Variants in C4orf50 observed in about 807,000 individuals in gnomAD.
C4orf50 encodes the protein uncharacterized protein C4orf50.
A neutral mutation model predicts 77.2 loss-of-function variants in C4orf50; 80 were observed. That is an observed-to-expected ratio of 1.04 (90% CI 0.87 to 1.25). The LOEUF (loss-of-function observed/expected upper bound fraction) is 1.25, where lower values mean the gene tolerates loss of function less well. Ranked by LOEUF, C4orf50 falls within the 50% of genes most tolerant of loss-of-function variation. The pLI, the probability that C4orf50 is intolerant of heterozygous loss-of-function variation, is 0.00. For synonymous variants in C4orf50, 532 were observed against 465.3 expected, an observed-to-expected ratio of 1.14 and a Z score of -1.84; for missense variants, 1,257 against 1,152.9, an observed-to-expected ratio of 1.09 and a Z score of -1.31.
At chr4:5,940,947 G>T (rs1025748641) in intron 7 of C4orf50, among the ~76,000 whole-genome samples, 2 of 152,116 alleles carry the variant, frequency 1.3e-5, no homozygotes, top group African/African-American at 4.8e-5. Context: ...CAGACACAAA[G>T]CCCTCCTAGA....
exon 28 of C4orf50, chr4:5,990,315 G>A: frequency 9.9e-7 from 1 of 1,006,150 alleles, no homozygotes; most frequent in Non-Finnish European, 1.3e-6. Context: ...GCTGGTACTT[G>A]TCACCAAGGT....
intron 26 of C4orf50, 29 bp downstream of exon 4, chr4:5,994,318 G>C (rs576294532): frequency 5.0e-6 from 2 of 399,028 alleles, no homozygotes; most frequent in African/African-American, 4.1e-5. Flanking sequence ...CCCGCGACTC[G>C]TCCTCCACGC....
intron 7 of C4orf50, among the ~76,000 whole-genome samples, chr4:5,928,854 A>C (rs1218177510): frequency 6.6e-6 from 1 of 152,244 alleles, no homozygotes; most frequent in South Asian, 2.1e-4. Context: ...AAAACAAAAA[A>C]TAAGTCAACC....
intron 31 of C4orf50, among the ~76,000 whole-genome samples, chr4:5,967,780 GA>G (rs1331231007): frequency 6.6e-6 from 1 of 152,224 alleles, no homozygotes; most frequent in Non-Finnish European, 1.5e-5. Flanking sequence ...ACATTTTAAT[GA>G]GGACATCCAG....
rs1343345314 is a variant in C4orf50, at chr4:6,017,568, T to C, written c.287+577A>G. Among the ~76,000 whole-genome samples the C allele has an allele frequency of 1.3e-5, 2 of 152,218 alleles. No homozygotes were observed. Among genetic ancestry groups the C allele is most frequent in the Non-Finnish European group, 2.9e-5 (2 of 68,034 alleles). ...ACAACCCTTGTCATTGCAGAAACCA[T>C]AGGCTGTGATGCCTGTAGCCACCTA... On this transcript the variant is annotated intron_variant, in intron 23 of 33. Coordinates refer to ENST00000531445, the Ensembl canonical transcript of C4orf50. This position sits in a 1 kb window ranked among gnomAD's most constrained non-coding sequence, Gnocchi z 4.7.
chr4:5,906,164 GT>G lies in C4orf50; in HGVS notation c.*2475-7977del, dbSNP rs1716543197. On this transcript the variant is annotated intron_variant, in intron 7 of 7. Coordinates refer to the C4orf50 transcript ENST00000324058. The stretch of plus-strand genomic sequence containing the variant: ...TGTGAAGAAAACAGAGAAGCAAAGA[GT>G]GATGTGGCAGGAGATGAACCTGTGA... 2.6e-5 allele frequency among the ~76,000 whole-genome samples: 4 copies of G among 151,990 alleles called. No homozygotes were observed. In the South Asian group the frequency reaches 8.4e-4, roughly 32 times the overall value.
At chr4:5,955,090 CT>C (rs1416596729), downstream of C4orf50, among the ~76,000 whole-genome samples, 1 of 152,128 alleles carries the variant, frequency 6.6e-6, no homozygotes, top group Non-Finnish European at 1.5e-5. This position sits in a 1 kb window ranked among gnomAD's most constrained non-coding sequence, Gnocchi z 5.1. Context: ...GCGCCCGCCC[CT>C]ACCTCTCCTT....
rs143463806 is a variant in C4orf50 at position 5,929,345 on chromosome 4, C to T, written c.*2474+27556G>A. Among the ~76,000 whole-genome samples, 482 of 152,282 alleles carry T rather than the reference C, an allele frequency of 3.2e-3. 3 individuals carry two copies. The highest frequency in any genetic ancestry group is 0.011 in the African/African-American group (455 of 41,554). ...GCCCATATCTGCATCGGTTTGAAGG[C>T]GGGAAGTTATGTAAATATTCCTTTA... On this transcript the variant is annotated intron_variant, in intron 7 of 7. Transcript: ENST00000324058.
Position 5,994,860 on chromosome 4 carries a change from G to A in C4orf50, c.964-384C>T, listed in dbSNP as rs570896104. Among the ~76,000 whole-genome samples the A allele has an allele frequency of 1.3e-4, 20 of 152,266 alleles. No individual in the cohort carries two copies. The South Asian group carries it at 4.1e-3, about 32-fold the overall frequency. Reference sequence around the variant, plus strand: ...GCAGGAGGTGAGCAGCAGGCGAGCAGGCATTACCGCCTGAGCTCCGCCTCC... The same window carrying A: ...GCAGGAGGTGAGCAGCAGGCGAGCAAGCATTACCGCCTGAGCTCCGCCTCC... On this transcript the variant is annotated intron_variant, in intron 25 of 33. Transcript: ENST00000531445.
At chr4:5,967,903 C>G in intron 31 of C4orf50, among the ~76,000 whole-genome samples, 1 of 151,704 alleles carries the variant, frequency 6.6e-6, no homozygotes, top group African/African-American at 2.4e-5. Flanking sequence ...CTCCTGGTTC[C>G]GCATTGCACG....
chr4:5,898,493 C>A (rs557844110), intron 7 of C4orf50: 1 of 152,278 alleles, frequency 6.6e-6, no homozygotes, highest in Non-Finnish European at 1.5e-5. Flanking sequence ...AGGTAGGTAC[C>A]CTGTCCAAGC....
chr4:6,005,034 G>A (rs1227871010), intron 25 of C4orf50, among the ~76,000 whole-genome samples: 1 of 152,136 alleles, frequency 6.6e-6, no homozygotes. Context: ...CTGAGGTACA[G>A]AGAATTTAGG....
intron 25 of C4orf50, among the ~76,000 whole-genome samples, chr4:5,998,190 A>C (rs1328662128): frequency 6.6e-6 from 1 of 152,134 alleles, no homozygotes; most frequent in Non-Finnish European, 1.5e-5. Context: ...GGCCCTTTTA[A>C]CCTTTGACAG....
chr4:5,933,410 C>G (rs1483229010), intron 7 of C4orf50, among the ~76,000 whole-genome samples: 3 of 152,216 alleles, frequency 2.0e-5, no homozygotes, highest in Admixed American at 2.0e-4. Flanking sequence ...CTATGAATGG[C>G]AGCTCCTGCC....
chr4:5,921,011 C>T (rs573436816), intron 7 of C4orf50, among the ~76,000 whole-genome samples: 1 of 152,292 alleles, frequency 6.6e-6, no homozygotes, highest in Admixed American at 6.5e-5. Flanking sequence ...GAACTCTGAC[C>T]ACAGCTGGGA....
At chr4:5,954,707 C>A (rs561043746), downstream of C4orf50, among the ~76,000 whole-genome samples, 5 of 152,240 alleles carry the variant, frequency 3.3e-5, no homozygotes, top group East Asian at 9.7e-4. This position sits in a 1 kb window ranked among gnomAD's most constrained non-coding sequence, Gnocchi z 4.7. Context: ...AGCAGGGATG[C>A]AAATTCTTCC....
In C4orf50 at chr4:5,919,773, T is replaced by A. The variant is rs1717184382; in HGVS notation, c.*2475-21585A>T. ...TGCCATGGCAGACAAGAAAATGCTC[T>A]CTTGCTGAGCTCCCACAAAGCCCAT... On this transcript the variant is annotated intron_variant, in intron 7 of 7. Coordinates refer to the C4orf50 transcript ENST00000324058. The surrounding 1 kb of genome is among the most constrained non-coding windows in gnomAD (Gnocchi z 6.5). Among the ~76,000 whole-genome samples the A allele has an allele frequency of 6.6e-6, 1 of 152,246 alleles. No homozygotes were observed. The highest frequency in any genetic ancestry group is 2.1e-4 in the South Asian group (1 of 4,810).
At chr4:5,988,293 C>T in intron 28 of C4orf50, 54 bp downstream of exon 6, 4 of 1,572,458 alleles carry the variant, frequency 2.5e-6, no homozygotes, top group Non-Finnish European at 1.7e-6. Flanking sequence ...AATGGGGTGG[C>T]CCCCGGAACA....
At chr4:5,990,064 G>A (rs1577973453) in exon 28 of C4orf50, 4 of 1,344,348 alleles carry the variant, frequency 3.0e-6, no homozygotes, top group Non-Finnish European at 3.8e-6. Context: ...CTCATTCTCT[G>A]ATGACAGTCC....
Sources: gnomAD v4.1 joint callset for allele counts (sites outside exome capture counted in the v4.1 genomes callset) on GRCh38, gnomAD v4.1.1 for gene constraint, Gnocchi (gnomAD v3.1) non-coding constraint, MANE v1.5 for transcripts, NCBI Gene and HGNC (gene_info 2026-07-23, HGNC 2026-07-21) for gene names.